The following HDGFL2 variants were observed in gnomAD, a reference collection of about 807,000 sequenced individuals.
HDGFL2 encodes the protein hepatoma-derived growth factor-related protein 2.
Under a neutral mutation model 77.1 loss-of-function variants are expected in HDGFL2, and 36 were observed. The ratio of observed to expected loss-of-function variants is 0.47; its 90% CI spans 0.36 to 0.62. The LOEUF (loss-of-function observed/expected upper bound fraction) is 0.62. Among genes scored for constraint, HDGFL2 ranks in the 20% least tolerant of loss-of-function variants. HDGFL2 has a pLI of 0.00. For missense variants in HDGFL2, 976 were observed against 973.4 expected (o/e 1.00, Z -0.04); for synonymous variants, 463 against 413.1 (o/e 1.12, Z -1.46).
At position 4,497,972 on chromosome 19, in the gene HDGFL2, A is replaced by G; in HGVS notation, c.1343A>G (p.Glu448Gly). 4 of 1,554,310 alleles carry G rather than the reference A, an allele frequency of 2.6e-6. No individual in the cohort carries two copies. The highest frequency in any genetic ancestry group is 2.6e-6 in the Non-Finnish European group (3 of 1,148,540). The change falls in exon 11 of 16, where the codon GAG becomes GGG. Residue 448 changes from glutamate to glycine, a missense_variant. Physicochemically the swap from Glu to Gly is moderately conservative, Grantham distance 98. Around this residue, in one of 5 missense-constraint regions of HDGFL2, gnomAD observed 567 missense variants for 534.7 expected, o/e 1.06. Transcript: ENST00000616600. Reference sequence around the variant, plus strand: ...CTTCTCCACAGGCCCGTGAAGGTGGAGCGGACCCGGAAGCGGTCCGAGGGC... The same window carrying G: ...CTTCTCCACAGGCCCGTGAAGGTGGGGCGGACCCGGAAGCGGTCCGAGGGC... ...EKQQAKPVKV[E>G]RTRKRSEGFS...
intron 14 of HDGFL2, among the ~76,000 whole-genome samples, chr19:4,500,399 C>T (rs1036060525): frequency 6.6e-6 from 1 of 151,696 alleles, no homozygotes; most frequent in Non-Finnish European, 1.5e-5. Context: ...CCATCCTCCA[C>T]CTCAGCCTCC....
At chr19:4,491,903 C>T (rs2145193878) in intron 6 of HDGFL2, 68 bp downstream of exon 6, 1 of 1,433,402 alleles carries the variant, frequency 7.0e-7, no homozygotes. Flanking sequence ...CAGTGCTGTC[C>T]CCAGGGCAGG....
intron 10 of HDGFL2, 191 bp from the exon 11 acceptor site, chr19:4,497,767 C>G: frequency 1.7e-6 from 1 of 584,288 alleles, no homozygotes; most frequent in South Asian, 2.1e-5. Context: ...CAGCTCGAGC[C>G]TGTGGCTGCC....
chr19:4,474,933 G>A (rs1975033498), intron 1 of HDGFL2: 1 of 189,380 alleles, frequency 5.3e-6, no homozygotes, highest in East Asian at 1.5e-4. Flanking sequence ...GCCCCTCTTT[G>A]CGGGAGGGGT....
Position 4,488,656 on chromosome 19 carries a change from C to T in HDGFL2, c.289-20C>T. On this transcript the variant is annotated intron_variant, in intron 3 of 15. Coordinates refer to ENST00000616600, the MANE Select transcript of HDGFL2 (RefSeq NM_001001520.3). The stretch of plus-strand genomic sequence containing the variant: ...CCCACGACTGGTGGTGACGCGCGTT[C>T]TCTGCCCCGACTCCCACAGCCAGTG... 1.3e-6 allele frequency: 2 copies of T among 1,536,040 alleles called. No homozygotes were observed. Among genetic ancestry groups the T allele is most frequent in the Non-Finnish European group, 1.7e-6 (2 of 1,145,340 alleles).
intron 6 of HDGFL2, among the ~76,000 whole-genome samples, chr19:4,493,180 G>A (rs1451704722): frequency 3.0e-5 from 4 of 134,478 alleles, no homozygotes; most frequent in East Asian, 2.1e-4. Context: ...TGGTGTGTGC[G>A]TGGTGTGTGT....
intron 3 of HDGFL2, 105 bp from the exon 4 acceptor site, chr19:4,488,571 C>A: frequency 9.8e-7 from 1 of 1,017,256 alleles, no homozygotes; most frequent in Non-Finnish European, 1.4e-6. Flanking sequence ...ACACGCCTGA[C>A]ATTCAGGATC....
At chr19:4,472,925 C>T (rs1330544954) in intron 1 of HDGFL2, among the ~76,000 whole-genome samples, 4 of 145,818 alleles carry the variant, frequency 2.7e-5, no homozygotes, top group African/African-American at 7.7e-5. Flanking sequence ...CTCAGGGGGC[C>T]GCGCCTAGGG....
rs1342750914 is a variant in HDGFL2 at position 4,494,146 on chromosome 19, A to G, written c.915-20A>G. ...CCTGAGGGAGGAACGGAGGTCCCCA[A>G]CCGCCCCCTCCGCCTCCAGTGACAG... On this transcript the variant is annotated intron_variant, in intron 8 of 15. Coordinates refer to ENST00000616600, the MANE Select transcript of HDGFL2 (RefSeq NM_001001520.3). 13 of 1,489,198 alleles carry G rather than the reference A, an allele frequency of 8.7e-6. No homozygotes were observed. The highest frequency in any genetic ancestry group is 4.3e-5 in the African/African-American group (3 of 70,116). The allele number at this position is 1,489,198 out of a possible 1,614,324, so 92.2% of individuals were successfully genotyped here.
Position 4,501,275 on chromosome 19 carries a change from C to A in HDGFL2, c.1874C>A (p.Ser625Ter). ...AAGGAGCACGAGGAGGGTCGGGACTCGGAGGAGGGGCCAAGGTGTGGCTCC... is the reference window on the plus strand; with the variant it reads ...AAGGAGCACGAGGAGGGTCGGGACTAGGAGGAGGGGCCAAGGTGTGGCTCC... ...EDKEHEEGRD[S>*]EEGPRCGSSE... The change falls in exon 15 of 16, where the codon TCG (serine) becomes TAG (stop). Residue 625 changes from serine (S) to a stop codon, truncating the protein, a stop_gained. Coordinates refer to ENST00000616600, the MANE Select transcript of HDGFL2 (RefSeq NM_001001520.3). LOFTEE classifies it low-confidence loss of function (END_TRUNC). 6.2e-7 allele frequency: 1 copy of A among 1,611,952 alleles called. No homozygotes were observed. The highest frequency in any genetic ancestry group is 1.1e-5 in the South Asian group (1 of 90,884).
intron 3 of HDGFL2, among the ~76,000 whole-genome samples, chr19:4,482,411 TA>T (rs1378471879): frequency 2.6e-5 from 4 of 152,072 alleles, no homozygotes; most frequent in Non-Finnish European, 4.4e-5. Flanking sequence ...GGTTTCACCA[TA>T]TTGGCCAGGC....
intron 4 of HDGFL2, 53 bp downstream of exon 4, chr19:4,488,929 G>C (rs10421685): frequency 6.8e-6 from 9 of 1,331,670 alleles, no homozygotes; most frequent in Admixed American, 2.3e-5. Context: ...CTGATGTCTC[G>C]CCTGGCAGCT....
In HDGFL2 at chr19:4,488,882, G is replaced by T; in HGVS notation, c.489+6G>T. On this transcript the variant is annotated splice_donor_region_variant and intron_variant, in intron 4 of 15. Transcript: ENST00000616600. ...GGAAGACGCCTGCGCTAAAGGTAGGGGAGGACCAAGGTGGGCTGGCCCTTC... is the reference window on the plus strand; with the variant it reads ...GGAAGACGCCTGCGCTAAAGGTAGGTGAGGACCAAGGTGGGCTGGCCCTTC... The T allele has an allele frequency of 6.4e-7, 1 of 1,550,688 alleles. No homozygotes were observed. The highest frequency in any genetic ancestry group is 8.7e-7 in the Non-Finnish European group (1 of 1,146,488).
At position 4,501,948 on chromosome 19, in the gene HDGFL2, A is replaced by G; in HGVS notation, c.1954A>G (p.Ser652Gly). ...REGPDLDRPG[S>G]DRQERERARG... ...GGGTCCCGACCTGGACAGGCCTGGG[A>G]GCGACCGGCAGGAGCGCGAGAGGGC... Residue 652 changes from serine to glycine, a missense_variant, in exon 16 of 16, where the codon AGC (serine) becomes GGC (glycine). Coordinates refer to ENST00000616600, the MANE Select transcript of HDGFL2 (RefSeq NM_001001520.3). 1 of 1,499,276 alleles carries G rather than the reference A, an allele frequency of 6.7e-7. No homozygotes were observed. The highest frequency in any genetic ancestry group is 8.8e-7 in the Non-Finnish European group (1 of 1,130,216). 92.9% of individuals were successfully genotyped at this position (1,499,276 alleles called of 1,614,324 possible).
intron 6 of HDGFL2, among the ~76,000 whole-genome samples, chr19:4,493,067 TGTGTGTGGTGTGTGTGTGTTATCTGTGTG>T (rs1415800536): frequency 2.0e-5 from 2 of 99,012 alleles, no homozygotes; most frequent in Non-Finnish European, 4.0e-5. Flanking sequence ...GTGTGTTGTC[TGTGTGTGGTGTGTGTGTGTTATCTGTGTG>T]GTGTGTGGTG....
Position 4,491,671 on chromosome 19 carries a change from A to G in HDGFL2, c.595A>G (p.Thr199Ala). 6.2e-7 allele frequency: 1 copy of G among 1,614,012 alleles called. No homozygotes were observed. Among genetic ancestry groups the G allele is most frequent in the South Asian group, 1.1e-5 (1 of 91,080 alleles). ...GGAAAGCTCATCTGAGTCGGAGAAG[A>G]CCAGCGACCAGGTGGGCCAGTGGCT... ...NSESSSESEKTSDQDFTPEKK... is the reference protein window; with the variant it reads ...NSESSSESEKASDQDFTPEKK... The change falls in exon 5 of 16, where the codon ACC becomes GCC. Residue 199 changes from threonine (T) to alanine (A), a missense_variant. By Grantham distance (58) the Thr-to-Ala change is moderately conservative. Transcript: ENST00000616600.
rs746330359 is a variant in HDGFL2, at chr19:4,499,560, C to T, written c.1645C>T (p.Arg549Trp). The T allele has an allele frequency of 2.5e-6, 4 of 1,613,548 alleles. No homozygotes were observed. The highest frequency in any genetic ancestry group is 1.7e-5 in the Admixed American group (1 of 59,922). Residue 549 changes from arginine (R) to tryptophan (W), a missense_variant, in exon 14 of 16, where the codon CGG (arginine) becomes TGG (tryptophan). By Grantham distance (101) the Arg-to-Trp change is moderately radical. Transcript: ENST00000616600. Reference sequence around the variant, plus strand: ...AGAAGTCTATACCCGGCTCAAGTCGCGGGTCCTCGGCCCAAAGATCGAGGC... The same window carrying T: ...AGAAGTCTATACCCGGCTCAAGTCGTGGGTCCTCGGCCCAAAGATCGAGGC... ...AAEVYTRLKS[R>W]VLGPKIEAVQ...
intron 6 of HDGFL2, among the ~76,000 whole-genome samples, chr19:4,493,301 GGTGTGTGTGTGGTGTCTGTGTGTGGCGT>G (rs1975598246): frequency 1.4e-5 from 2 of 147,138 alleles, no homozygotes; most frequent in South Asian, 4.3e-4. Flanking sequence ...GTGTGTGTGT[GGTGTGTGTGTGGTGTCTGTGTGTGGCGT>G]GTGTGTTTGG....
rs759248457 is a variant in HDGFL2, at chr19:4,498,294, C to G, written c.1403-12C>G. 1 of 1,611,896 alleles carries G rather than the reference C, an allele frequency of 6.2e-7. No individual in the cohort carries two copies. Among genetic ancestry groups the G allele is most frequent in the Non-Finnish European group, 8.5e-7 (1 of 1,178,886 alleles). On this transcript the variant is annotated splice_polypyrimidine_tract_variant and intron_variant, in intron 11 of 15. Transcript: ENST00000616600. ...TGCCTGGGCCCACACGGTGCTCTCT[C>G]TCCTGGCCCAGAGCCCTCCGTGGAG...
Sources: gnomAD v4.1 joint callset for allele counts (sites outside exome capture counted in the v4.1 genomes callset) on GRCh38, gnomAD v4.1.1 for gene constraint, gnomAD v4.1.1 regional missense constraint, MANE v1.5 for transcripts, NCBI Gene and HGNC (gene_info 2026-07-23, HGNC 2026-07-21) for gene names.